The following PRKCE variants were observed in gnomAD, a reference collection of about 807,000 sequenced individuals.
PRKCE encodes protein kinase C epsilon type.
In PRKCE, 16 loss-of-function variants were observed where a neutral mutation model predicts 85.4. That is an observed-to-expected ratio of 0.19 (90% CI 0.13 to 0.28). The LOEUF (loss-of-function observed/expected upper bound fraction) is 0.28, where lower values mean the gene tolerates loss of function less well. PRKCE is among the 10% of genes least tolerant of loss of function. The pLI is 1.00. For synonymous variants in PRKCE, 388 were observed against 371.5 expected (o/e 1.04, Z -0.51); for missense variants, 573 against 975.2 (o/e 0.59, Z 5.49).
chr2:45,836,130 A>G (rs550866340), intron 1 of PRKCE, among the ~76,000 whole-genome samples: 1 of 152,234 alleles, frequency 6.6e-6, no homozygotes, highest in African/African-American at 2.4e-5. Flanking sequence ...CCATGCATTC[A>G]ATAAGCCAAC....
At chr2:45,734,635 T>G (rs1011090445) in intron 1 of PRKCE, among the ~76,000 whole-genome samples, 4 of 152,232 alleles carry the variant, frequency 2.6e-5, no homozygotes, top group Non-Finnish European at 5.9e-5. Flanking sequence ...AACAGGACTT[T>G]TGGCCTGGGC....
intron 2 of PRKCE, among the ~76,000 whole-genome samples, chr2:45,939,355 C>T (rs1699712711): frequency 6.6e-6 from 1 of 152,172 alleles, no homozygotes; most frequent in Admixed American, 6.5e-5. Flanking sequence ...TCCCTGATGT[C>T]TTACTGTCAG....
At chr2:45,933,756 G>A (rs577155117) in intron 2 of PRKCE, among the ~76,000 whole-genome samples, 2 of 152,182 alleles carry the variant, frequency 1.3e-5, no homozygotes, top group South Asian at 2.1e-4. Flanking sequence ...GATTACAGGC[G>A]TGAGCCACCG....
chr2:46,100,800 G>T (rs576265669), intron 11 of PRKCE, among the ~76,000 whole-genome samples: 27 of 152,300 alleles, frequency 1.8e-4, no homozygotes, highest in Non-Finnish European at 3.7e-4. Context: ...TGACAAGGAA[G>T]AAGAGCACAT....
At chr2:45,731,104 G>A (rs1188071152) in intron 1 of PRKCE, among the ~76,000 whole-genome samples, 5 of 152,160 alleles carry the variant, frequency 3.3e-5, no homozygotes, top group Non-Finnish European at 1.5e-5. Flanking sequence ...TGGCTACTGT[G>A]GACAGTTTAG....
intron 1 of PRKCE, chr2:45,677,823 CT>C: frequency 1.0e-6 from 1 of 985,180 alleles, no homozygotes; most frequent in African/African-American, 1.7e-5. Flanking sequence ...GTGGAAAATT[CT>C]GTTTCAGAGA....
rs1487437183 is a variant in PRKCE at position 46,185,310 on chromosome 2, G to A, written c.*429G>A. On this transcript the variant is annotated 3_prime_UTR_variant, in exon 15 of 15. Coordinates refer to ENST00000306156, the MANE Select transcript of PRKCE (RefSeq NM_005400.3). This position sits in a 1 kb window ranked among gnomAD's most constrained non-coding sequence, Gnocchi z 4.7. ...TCTTGCTTCTTTTCCCTCCTGCACC[G>A]CAGCTTGCCATCCCTGCCCTTCTGT... is the stretch of plus-strand genomic sequence containing the variant. 1 of 162,322 alleles carries A rather than the reference G, an allele frequency of 6.2e-6. No individual in the cohort carries two copies. Among genetic ancestry groups the A allele is most frequent in the Non-Finnish European group, 1.3e-5 (1 of 74,572 alleles). The allele number at this position is 162,322 out of a possible 1,614,324, so 10.1% of individuals were successfully genotyped here.
intron 5 of PRKCE, among the ~76,000 whole-genome samples, chr2:45,980,758 AGCT>A (rs1196603999): frequency 4.2e-4 from 3 of 7,212 alleles, no homozygotes; most frequent in African/African-American, 3.5e-3. Context: ...TTGTCTAATG[AGCT>A]AGCTGATGGG....
chr2:46,077,030 A>C (rs1668617800), intron 10 of PRKCE, among the ~76,000 whole-genome samples: 1 of 152,082 alleles, frequency 6.6e-6, no homozygotes. Flanking sequence ...AAAGGCACAA[A>C]GTTTCAGTTA....
chr2:45,854,217 T>C lies in PRKCE; in HGVS notation c.412+11154T>C, dbSNP rs114858171. Among the ~76,000 whole-genome samples, 485 of 152,298 alleles carry C rather than the reference T, an allele frequency of 3.2e-3. 5 individuals carry two copies. The highest frequency in any genetic ancestry group is 0.011 in the African/African-American group (452 of 41,552). ...TCCCTGTTGGCCTTGCAATGTGGCATTGCTGAGCCGGGAGCACCATCCTAC... is the reference window on the plus strand; with the variant it reads ...TCCCTGTTGGCCTTGCAATGTGGCACTGCTGAGCCGGGAGCACCATCCTAC... On this transcript the variant is annotated intron_variant, in intron 2 of 14. Transcript: ENST00000306156.
At chr2:45,974,467 C>T (rs931340379) in intron 2 of PRKCE, among the ~76,000 whole-genome samples, 1 of 152,188 alleles carries the variant, frequency 6.6e-6, no homozygotes, top group Admixed American at 6.5e-5. Flanking sequence ...CACAAGCAGA[C>T]CTCCACCCGG....
intron 2 of PRKCE, among the ~76,000 whole-genome samples, chr2:45,941,763 A>G (rs1459784060): frequency 1.3e-5 from 2 of 152,140 alleles, no homozygotes; most frequent in Non-Finnish European, 1.5e-5. Flanking sequence ...TAGGGCCTAG[A>G]TAACCTCTAC....
At chr2:45,689,737 A>T (rs1677579689) in intron 1 of PRKCE, among the ~76,000 whole-genome samples, 1 of 151,868 alleles carries the variant, frequency 6.6e-6, no homozygotes, top group African/African-American at 2.4e-5. Flanking sequence ...CTCTACTTAA[A>T]ATACAAAGAT....
At chr2:45,743,855 G>C (rs959331113) in intron 1 of PRKCE, among the ~76,000 whole-genome samples, 1 of 152,142 alleles carries the variant, frequency 6.6e-6, no homozygotes, top group Non-Finnish European at 1.5e-5. Flanking sequence ...CCTAGAAATA[G>C]GAAACTGGCC....
intron 10 of PRKCE, among the ~76,000 whole-genome samples, chr2:46,051,948 A>C (rs1473641731): frequency 6.6e-6 from 1 of 152,176 alleles, no homozygotes; most frequent in Non-Finnish European, 1.5e-5. Context: ...GTGAGAAGTC[A>C]CTATCACAAG....
At chr2:45,890,799 G>A (rs1695668753) in intron 2 of PRKCE, among the ~76,000 whole-genome samples, 1 of 152,176 alleles carries the variant, frequency 6.6e-6, no homozygotes, top group African/African-American at 2.4e-5. Context: ...TGCCTACCCT[G>A]CACAAGGCAC....
chr2:45,915,256 TGAA>T (rs1472287949), intron 2 of PRKCE, among the ~76,000 whole-genome samples: 2 of 152,250 alleles, frequency 1.3e-5, no homozygotes, highest in Admixed American at 6.5e-5. Flanking sequence ...AATAATATAA[TGAA>T]GGAGTAAGGC....
At chr2:45,740,087 C>T (rs1177817924) in intron 1 of PRKCE, among the ~76,000 whole-genome samples, 1 of 148,640 alleles carries the variant, frequency 6.7e-6, no homozygotes, top group Admixed American at 6.8e-5. Flanking sequence ...GAGGCTGAGG[C>T]TGGGGGATCA....
chr2:46,142,520 T>C (rs1162205855), intron 11 of PRKCE, among the ~76,000 whole-genome samples: 1 of 152,182 alleles, frequency 6.6e-6, no homozygotes, highest in Non-Finnish European at 1.5e-5. Flanking sequence ...AGGGGCGGGC[T>C]TCAGGCCTCA....
Sources: gnomAD v4.1 joint callset for allele counts (sites outside exome capture counted in the v4.1 genomes callset) on GRCh38, gnomAD v4.1.1 for gene constraint, Gnocchi (gnomAD v3.1) non-coding constraint, MANE v1.5 for transcripts, NCBI Gene and HGNC (gene_info 2026-07-23, HGNC 2026-07-21) for gene names.